Variants in SEC31B observed in about 807,000 individuals in gnomAD.
SEC31B encodes protein transport protein Sec31B.
SEC31B carries 113 observed loss-of-function variants against 135.0 expected under a neutral mutation model. The ratio of observed to expected loss-of-function variants is 0.84; its 90% CI spans 0.72 to 0.98. The LOEUF (loss-of-function observed/expected upper bound fraction) is 0.98. Ranked by LOEUF, SEC31B falls within the 50% of genes least tolerant of loss-of-function variation. The pLI, the probability that SEC31B is intolerant of heterozygous loss-of-function variation, is 0.00. For synonymous variants in SEC31B, 508 were observed against 549.4 expected (o/e 0.92, Z 1.05); for missense variants, 1,296 against 1,421.1 (o/e 0.91, Z 1.42).
chr10:100,513,346 T>G (rs78699682), intron 3 of SEC31B, among the ~76,000 whole-genome samples: 1 of 152,238 alleles, frequency 6.6e-6, no homozygotes, highest in African/African-American at 2.4e-5. Flanking sequence ...GGAGCAGGAG[T>G]ATGAGGTAAA....
Position 100,487,475 on chromosome 10 carries a change from C to T in SEC31B, c.*141G>A. On this transcript the variant is annotated 3_prime_UTR_variant, in exon 26 of 26. Coordinates refer to ENST00000370345, the MANE Select transcript of SEC31B (RefSeq NM_015490.4). Reference sequence around the variant, plus strand: ...AAGCAGGCACTCAGCTGGTTTGGAGCCAAGCCTACAGCATCACATACCTGG... The same window carrying T: ...AAGCAGGCACTCAGCTGGTTTGGAGTCAAGCCTACAGCATCACATACCTGG... 1 of 806,350 alleles carries T rather than the reference C, an allele frequency of 1.2e-6. No homozygotes were observed. Among genetic ancestry groups the T allele is most frequent in the South Asian group, 1.8e-5 (1 of 56,536 alleles). The allele number at this position is 806,350 out of a possible 1,614,324, so 49.9% of individuals were successfully genotyped here. A position where few individuals can be genotyped will look rare whatever the true frequency, so the allele number is the denominator to read the frequency against.
intron 5 of SEC31B, chr10:100,508,405 G>A: frequency 4.0e-6 from 2 of 500,130 alleles, no homozygotes; most frequent in South Asian, 3.1e-5. Flanking sequence ...GACCCCAAGA[G>A]AGAGTGAGGC....
At chr10:100,505,163 TG>T (rs1374377232) in intron 10 of SEC31B, among the ~76,000 whole-genome samples, 197 bp downstream of exon 10, 1 of 152,072 alleles carries the variant, frequency 6.6e-6, no homozygotes, top group Non-Finnish European at 1.5e-5. Context: ...AGATATAGAA[TG>T]GGTGAAGTGA....
chr10:100,502,109 G>C, intron 11 of SEC31B, 145 bp downstream of exon 11: 1 of 668,376 alleles, frequency 1.5e-6, no homozygotes, highest in East Asian at 2.5e-5. Context: ...TAGATGGTGG[G>C]TATAGTGTGG....
chr10:100,489,118 C>T lies in SEC31B; in HGVS notation c.3171+134G>A, dbSNP rs370521455. ...GAGATGAGCAGCCTCCCTTTCTCTG[C>T]AGTAAGGACACCTGGTACCTGCCCC... On this transcript the variant is annotated intron_variant, in intron 23 of 25. Coordinates refer to ENST00000370345, the MANE Select transcript of SEC31B (RefSeq NM_015490.4). 1.9e-4 allele frequency: 267 copies of T among 1,442,136 alleles called. 1 individual carries two copies. The African/African-American group carries it at 3.5e-3, about 19-fold the overall frequency. The allele number at this position is 1,442,136 out of a possible 1,614,324, so 89.3% of individuals were successfully genotyped here. A position where few individuals can be genotyped will look rare whatever the true frequency, so the allele number is the denominator to read the frequency against.
At chr10:100,508,128 C>A in intron 5 of SEC31B, 77 bp from the exon 6 acceptor site, 1 of 1,545,850 alleles carries the variant, frequency 6.5e-7, no homozygotes, top group South Asian at 1.1e-5. Context: ...CCACTGCTCC[C>A]AGCCACCCAC....
Position 100,505,596 on chromosome 10 carries a change from T to A in SEC31B, c.1045-101A>T, listed in dbSNP as rs1851614835. The A allele has an allele frequency of 3.4e-6, 5 of 1,481,720 alleles. No homozygotes were observed. The Admixed American group carries it at 1.1e-4, about 32-fold the overall frequency. 91.8% of individuals were successfully genotyped at this position (1,481,720 alleles called of 1,614,324 possible). On this transcript the variant is annotated intron_variant, in intron 9 of 25. Coordinates refer to ENST00000370345, the MANE Select transcript of SEC31B (RefSeq NM_015490.4). ...TGGGAGGAATCCTTGAGACACCCAA[T>A]TTGACCTAGAAAGGTCAGACTCCCA...
intron 3 of SEC31B, among the ~76,000 whole-genome samples, chr10:100,514,878 G>A (rs556558803): frequency 2.0e-4 from 30 of 151,812 alleles, no homozygotes; most frequent in Admixed American, 1.3e-3. Context: ...CTACTCGGGC[G>A]GCTGAGGCAG....
At position 100,498,203 on chromosome 10, in the gene SEC31B, A is replaced by G; in HGVS notation, c.1689T>C (p.Ile563=). 6.2e-7 allele frequency: 1 copy of G among 1,614,114 alleles called. No homozygotes were observed. The highest frequency in any genetic ancestry group is 8.5e-7 in the Non-Finnish European group (1 of 1,180,006). ...TPWEIPITKD[I]DGLLSQALLL... is the part of the protein sequence containing the mutation. ...GGAGAGCCTGGCTTAGGAGTCCATC[A>G]ATATCTGCAGGCAGAAGCATCCCCT... The change falls in exon 15 of 26, where the codon ATT becomes ATC. Residue 563 remains isoleucine, a synonymous_variant. Coordinates refer to ENST00000370345, the MANE Select transcript of SEC31B (RefSeq NM_015490.4).
At chr10:100,491,645 CATG>C (rs1452580451) in intron 19 of SEC31B, among the ~76,000 whole-genome samples, 2 of 152,144 alleles carry the variant, frequency 1.3e-5, no homozygotes, top group Non-Finnish European at 2.9e-5. Context: ...ATGAAAATAA[CATG>C]ATGACAGAAA....
chr10:100,487,560 C>T lies in SEC31B; in HGVS notation c.*56G>A. ...TCTGTTGCAGAAGTCCCCTCTTCTG[C>T]AGGGAGGAGTTATGTAACAGCAGAA... On this transcript the variant is annotated 3_prime_UTR_variant, in exon 26 of 26. Transcript: ENST00000370345. 1 of 1,485,688 alleles carries T rather than the reference C, an allele frequency of 6.7e-7. No individual in the cohort carries two copies. Among genetic ancestry groups the T allele is most frequent in the Non-Finnish European group, 9.2e-7 (1 of 1,082,070 alleles). 92.0% of individuals were successfully genotyped at this position (1,485,688 alleles called of 1,614,324 possible). A position where few individuals can be genotyped will look rare whatever the true frequency, so the allele number is the denominator to read the frequency against.
At chr10:100,496,453 T>C (rs569289057) in intron 17 of SEC31B, 22 bp from the exon 18 acceptor site, 6 of 1,612,992 alleles carry the variant, frequency 3.7e-6, no homozygotes, top group Non-Finnish European at 4.2e-6. Context: ...AGGATGAGGG[T>C]GGTAAGCCTT....
Position 100,498,099 on chromosome 10 carries a change from G to A in SEC31B, c.1793C>T (p.Ala598Val), listed in dbSNP as rs1851447416. Residue 598 changes from alanine (A) to valine (V), a missense_variant, in exon 15 of 26, where the codon GCT (alanine) becomes GTT (valine). Coordinates refer to ENST00000370345, the MANE Select transcript of SEC31B (RefSeq NM_015490.4). Reference sequence around the variant, plus strand: ...TTGCTTCAGCAGATCTGTACCCCCAGCCTGGGCCAGGATAATGGCATCAGC... The same window carrying A: ...TTGCTTCAGCAGATCTGTACCCCCAACCTGGGCCAGGATAATGGCATCAGC... ...RFADAIILAQ[A>V]GGTDLLKQTQ... The A allele has an allele frequency of 6.2e-6, 10 of 1,614,170 alleles. No homozygotes were observed. The highest frequency in any genetic ancestry group is 8.5e-6 in the Non-Finnish European group (10 of 1,180,036).
At chr10:100,492,732 C>A (rs1423885930) in intron 19 of SEC31B, among the ~76,000 whole-genome samples, 1 of 152,100 alleles carries the variant, frequency 6.6e-6, no homozygotes, top group East Asian at 1.9e-4. Context: ...ACCAGATCAA[C>A]ACATAAAAAT....
In SEC31B at chr10:100,506,434, G is replaced by A. The variant is rs1851633804; in HGVS notation, c.783-14C>T. 6.2e-7 allele frequency: 1 copy of A among 1,613,306 alleles called. No individual in the cohort carries two copies. The highest frequency in any genetic ancestry group is 1.7e-5 in the Admixed American group (1 of 59,986). On this transcript the variant is annotated splice_polypyrimidine_tract_variant and intron_variant, in intron 7 of 25. Transcript: ENST00000370345. ...GACAAGATCCCCCTAAAAAGAGAAG[G>A]GAAGAGGAACTAGCATTTGTTGAAT...
At chr10:100,495,774 C>T (rs186686524) in intron 18 of SEC31B, among the ~76,000 whole-genome samples, 49 of 152,222 alleles carry the variant, frequency 3.2e-4, no homozygotes, top group Admixed American at 2.7e-3. Flanking sequence ...GAGGAAGGGG[C>T]TTTACTGGCC....
chr10:100,489,223 A>C (rs1451116816), intron 23 of SEC31B, 29 bp downstream of exon 23: 4 of 1,578,468 alleles, frequency 2.5e-6, no homozygotes, highest in Non-Finnish European at 3.4e-6. Context: ...AAGGTTTCCC[A>C]AGGGAGGGGA....
In SEC31B at chr10:100,509,104, T is replaced by A; in HGVS notation, c.400-2A>T. 1.2e-6 allele frequency: 2 copies of A among 1,613,656 alleles called. No homozygotes were observed. Among genetic ancestry groups the A allele is most frequent in the Non-Finnish European group, 1.7e-6 (2 of 1,179,638 alleles). ...GGCCCCTGAAGCCAGGAGGTTGCCC[T>A]GTATGAATAAAAAGTGTTTGGAGAC... On this transcript the variant is annotated splice_acceptor_variant, in intron 4 of 25. Transcript: ENST00000370345. LOFTEE classifies it high-confidence loss of function.
chr10:100,497,356 G>C, intron 16 of SEC31B, 76 bp from the exon 17 acceptor site: 1 of 1,581,150 alleles, frequency 6.3e-7, no homozygotes, highest in East Asian at 2.3e-5. Flanking sequence ...GAAACAGGGA[G>C]AGGACCATGA....
Sources: allele counts gnomAD v4.1 joint callset (sites outside exome capture counted in the v4.1 genomes callset), GRCh38; gene constraint gnomAD v4.1.1; transcripts MANE v1.5; gene names NCBI Gene and HGNC (gene_info 2026-07-23, HGNC 2026-07-21).